SDK1: variants seen among roughly 807,000 people sequenced by gnomAD.
The protein encoded by SDK1 is protein sidekick-1.
A neutral mutation model predicts 245.5 loss-of-function variants in SDK1; 157 were observed. The ratio of observed to expected loss-of-function variants is 0.64; its 90% confidence interval spans 0.56 to 0.73. The LOEUF (loss-of-function observed/expected upper bound fraction) is 0.73. SDK1 is among the 30% of genes least tolerant of loss of function. The pLI is 0.00. For synonymous variants in SDK1, 1,647 were observed against 1,278.5 expected, an observed-to-expected ratio of 1.29 and a Z score of -6.15; for missense variants, 3,583 against 3,002.3, an observed-to-expected ratio of 1.19 and a Z score of -4.52.
intron 16 of SDK1, among the ~76,000 whole-genome samples, chr7:4,015,476 C>T (rs1298417073): frequency 6.6e-6 from 1 of 152,148 alleles, no homozygotes; most frequent in African/African-American, 2.4e-5. Context: ...TTTAAGCGTT[C>T]ATCTTTTGTA....
chr7:4,263,555 G>A, intron 44 of SDK1, among the ~76,000 whole-genome samples: 1 of 82,686 alleles, frequency 1.2e-5, no homozygotes, highest in Non-Finnish European at 2.6e-5. Context: ...TCCTGAGTGG[G>A]GAGGCCGCGT....
intron 1 of SDK1, among the ~76,000 whole-genome samples, chr7:3,403,834 T>C (rs1778957767): frequency 2.0e-5 from 1 of 50,336 alleles, no homozygotes; most frequent in Non-Finnish European, 3.2e-5. Context: ...CATATATATA[T>C]ATATATATAT....
intron 1 of SDK1, among the ~76,000 whole-genome samples, chr7:3,580,454 A>G (rs1272619811): frequency 6.6e-6 from 1 of 152,166 alleles, no homozygotes; most frequent in Non-Finnish European, 1.5e-5. Context: ...CACATAGAAC[A>G]ATGGAACAGA....
chr7:3,775,731 C>T (rs955865732), intron 4 of SDK1, among the ~76,000 whole-genome samples: 8 of 151,976 alleles, frequency 5.3e-5, no homozygotes, highest in Non-Finnish European at 8.8e-5. Context: ...CGCCCGCCAC[C>T]GCACCCGGCT....
chr7:3,969,032 C>T (rs1562591074), intron 10 of SDK1, among the ~76,000 whole-genome samples: 1 of 152,138 alleles, frequency 6.6e-6, no homozygotes, highest in African/African-American at 2.4e-5. Context: ...CATCAGATCT[C>T]ATGAGAACTC....
At chr7:3,396,550 G>A (rs976159588) in intron 1 of SDK1, among the ~76,000 whole-genome samples, 2 of 151,628 alleles carry the variant, frequency 1.3e-5, no homozygotes, top group Non-Finnish European at 3.0e-5. Context: ...CCCTGTTACT[G>A]CATACATATT....
intron 5 of SDK1, among the ~76,000 whole-genome samples, chr7:3,911,406 G>A (rs1779158591): frequency 6.6e-6 from 1 of 152,168 alleles, no homozygotes; most frequent in African/African-American, 2.4e-5. Flanking sequence ...AGGCTGTGAA[G>A]TCCAAGACCA....
rs558581185 is a variant in SDK1 at position 3,402,981 on chromosome 7, CTG to C, written c.298+101098_298+101099del. Among the ~76,000 whole-genome samples the C allele has an allele frequency of 1.9e-3, 295 of 152,214 alleles. 1 individual carries two copies. Among genetic ancestry groups the C allele is most frequent in the Non-Finnish European group, 3.4e-3 (233 of 68,000 alleles). On this transcript the variant is annotated intron_variant, in intron 1 of 44. Transcript: ENST00000404826. ...TCTTTTTTTGAGACAGAGTTTCACT[CTG>C]GAGTGCAGTGGTGCTATCTCGGCTC...
intron 4 of SDK1, among the ~76,000 whole-genome samples, chr7:3,779,723 G>A (rs1780671075): frequency 6.6e-6 from 1 of 151,964 alleles, no homozygotes; most frequent in South Asian, 2.1e-4. Flanking sequence ...ATGAGGTCAG[G>A]AGATCGAGAC....
intron 1 of SDK1, among the ~76,000 whole-genome samples, chr7:3,554,516 A>G (rs1280236344): frequency 6.6e-6 from 1 of 152,240 alleles, no homozygotes; most frequent in Non-Finnish European, 1.5e-5. Context: ...ATAGTTCAAT[A>G]GAAGCCTCCA....
Position 3,821,481 on chromosome 7 carries a change from C to G in SDK1, c.745C>G (p.Leu249Val), listed in dbSNP as rs146423033. The G allele has an allele frequency of 1.2e-5, 20 of 1,613,430 alleles. No individual in the cohort carries two copies. The African/African-American group carries it at 2.4e-4, about 19-fold the overall frequency. ...AITLENQLVI[L>V]ATTTSDAGAY... The stretch of plus-strand genomic sequence containing the variant: ...CACATTGGAGAATCAGCTGGTGATC[C>G]TCGCCACCACAACCAGTGATGCCGG... Residue 249 changes from leucine to valine, a missense_variant, in exon 5 of 45, where the codon CTC becomes GTC. By Grantham distance (32) the Leu-to-Val change is conservative (BLOSUM62 1). Coordinates refer to ENST00000404826, the MANE Select transcript of SDK1 (RefSeq NM_152744.4).
At position 3,703,143 on chromosome 7, in the gene SDK1, G is replaced by A. The variant is rs543791120; in HGVS notation, c.713+61038G>A. On this transcript the variant is annotated intron_variant, in intron 4 of 44. Transcript: ENST00000404826. ...TTGTCCCAGAGAAATGAAAACCTGTGTCTACACAAAATATGCTTCTGGACA... is the reference window on the plus strand; with the variant it reads ...TTGTCCCAGAGAAATGAAAACCTGTATCTACACAAAATATGCTTCTGGACA... Among the ~76,000 whole-genome samples, 275 of 151,194 alleles carry A rather than the reference G, an allele frequency of 1.8e-3. 1 individual carries two copies. Among genetic ancestry groups the A allele is most frequent in the African/African-American group, 6.3e-3 (258 of 41,222 alleles).
intron 35 of SDK1, among the ~76,000 whole-genome samples, chr7:4,191,152 G>A (rs1360567276): frequency 6.6e-6 from 1 of 151,628 alleles, no homozygotes; most frequent in African/African-American, 2.4e-5. Flanking sequence ...GTCCTGCCAG[G>A]CCAACCCCGC....
chr7:3,975,495 C>T (rs902417782), intron 13 of SDK1, among the ~76,000 whole-genome samples: 1 of 152,226 alleles, frequency 6.6e-6, no homozygotes, highest in East Asian at 1.9e-4. Flanking sequence ...AATTTGAACA[C>T]TCCGAGTATA....
intron 1 of SDK1, among the ~76,000 whole-genome samples, chr7:3,409,300 T>G (rs1366110104): frequency 7.2e-5 from 1 of 13,880 alleles, no homozygotes; most frequent in African/African-American, 2.9e-4. Context: ...TATTATGGTT[T>G]TTTTTTTTTT....
At chr7:3,414,821 T>A (rs1473567257) in intron 1 of SDK1, among the ~76,000 whole-genome samples, 1 of 152,338 alleles carries the variant, frequency 6.6e-6, no homozygotes. Context: ...TGGAGTCATA[T>A]AATGTGTGTT....
chr7:3,990,279 C>G (rs1261974047), intron 14 of SDK1, among the ~76,000 whole-genome samples: 1 of 152,224 alleles, frequency 6.6e-6, no homozygotes, highest in Non-Finnish European at 1.5e-5. Context: ...GCCCTTCTCC[C>G]CCTTGCAGGG....
rs558809741 is a variant in SDK1, at chr7:4,035,715, T to G, written c.2603-13633T>G. ...CCTAGTAACAGAAAAATAGCAAGTT[T>G]CTTGGATAAACACATGATTGCAGGT... On this transcript the variant is annotated intron_variant, in intron 17 of 44. Coordinates refer to ENST00000404826, the MANE Select transcript of SDK1 (RefSeq NM_152744.4). Among the ~76,000 whole-genome samples, 7 of 152,302 alleles carry G rather than the reference T, an allele frequency of 4.6e-5. 1 individual carries two copies. The South Asian group carries it at 1.5e-3, about 32-fold the overall frequency.
In SDK1 at chr7:4,076,954, G is replaced by C. The variant is rs916353430; in HGVS notation, c.3011-44G>C. 3 of 1,553,064 alleles carry C rather than the reference G, an allele frequency of 1.9e-6. No individual in the cohort carries two copies. In the African/African-American group the frequency reaches 4.1e-5, roughly 21 times the overall value. ...TGCTGTGGAATTCAGGTGAGCCCTT[G>C]GCCTTCAGGAGACCAACACTGGTCT... is the stretch of plus-strand genomic sequence containing the variant. On this transcript the variant is annotated intron_variant, in intron 20 of 44. Coordinates refer to ENST00000404826, the MANE Select transcript of SDK1 (RefSeq NM_152744.4).
Sources: allele counts gnomAD v4.1 joint callset (sites outside exome capture counted in the v4.1 genomes callset), GRCh38; gene constraint gnomAD v4.1.1; transcripts MANE v1.5; gene names NCBI Gene and HGNC (gene_info 2026-07-23, HGNC 2026-07-21).